MYH15: variants seen among roughly 807,000 people sequenced by gnomAD.
MYH15 encodes myosin heavy chain 15, also known as myosin-15.
In MYH15, 227 loss-of-function variants were observed where a neutral mutation model predicts 240.5. The observed-to-expected ratio is 0.94, with a 90% CI of 0.85 to 1.05. The LOEUF (loss-of-function observed/expected upper bound fraction) is 1.05. Among genes scored for constraint, MYH15 ranks in the 50% least tolerant of loss-of-function variants. MYH15 has a pLI of 0.00. For missense variants in MYH15, 2,217 were observed against 2,247.5 expected, an observed-to-expected ratio of 0.99 and a Z score of 0.27; for synonymous variants, 785 against 796.7, an observed-to-expected ratio of 0.99 and a Z score of 0.25.
chr3:108,427,579 A>G (rs1390327066), intron 27 of MYH15, among the ~76,000 whole-genome samples: 3 of 151,110 alleles, frequency 2.0e-5, no homozygotes, highest in African/African-American at 7.3e-5. Flanking sequence ...ATTTCATTAC[A>G]GCAGCAGGAA....
At chr3:108,530,556 C>A (rs534774319), upstream of MYH15, among the ~76,000 whole-genome samples, 2 of 152,068 alleles carry the variant, frequency 1.3e-5, no homozygotes, top group Admixed American at 6.5e-5. Context: ...CAAGAGTGAA[C>A]CCTAATGTGA....
chr3:108,462,607 C>G (rs1048859838), intron 16 of MYH15, among the ~76,000 whole-genome samples: 1 of 151,914 alleles, frequency 6.6e-6, no homozygotes, highest in Admixed American at 6.6e-5. Context: ...AACTACTAAA[C>G]AAGATTAGTT....
chr3:108,544,295 A>G, the MYH15 span, among the ~76,000 whole-genome samples: 17 of 152,200 alleles, frequency 1.1e-4, no homozygotes, highest in Non-Finnish European at 2.2e-4. Context: ...TGGTAAAATT[A>G]AGGTGATACT....
chr3:108,467,692 G>A (rs1228869446), intron 14 of MYH15, among the ~76,000 whole-genome samples: 1 of 152,162 alleles, frequency 6.6e-6, no homozygotes, highest in Non-Finnish European at 1.5e-5. Flanking sequence ...ATAACTTGGA[G>A]AGTATTTATT....
chr3:108,436,754 G>T (rs1161124572), intron 25 of MYH15, among the ~76,000 whole-genome samples: 1 of 152,100 alleles, frequency 6.6e-6, no homozygotes, highest in Non-Finnish European at 1.5e-5. Context: ...GCCCAGGATG[G>T]TCTCAATCTC....
rs777181444 is a variant in MYH15 at position 108,501,713 on chromosome 3, T to C, written c.338A>G (p.Tyr113Cys). The change falls in exon 3 of 41, where the codon TAT (tyrosine) becomes TGT (cysteine). Residue 113 changes from tyrosine to cysteine, a missense_variant and splice_region_variant. Physicochemically the swap from Tyr to Cys is radical, Grantham distance 194 (BLOSUM62 -2). Coordinates refer to ENST00000693548, the MANE Select transcript of MYH15 (RefSeq NM_014981.3). ...LKRRYGQWMI[Y>C]TYSGLFCVTI... The stretch of plus-strand genomic sequence containing the variant: ...TTAGCAGGAAAGCATATTACACACA[T>C]AGATCATCCACTGGCCATAGCGCCG... The C allele has an allele frequency of 6.2e-7, 1 of 1,613,978 alleles. No individual in the cohort carries two copies. The highest frequency in any genetic ancestry group is 8.5e-7 in the Non-Finnish European group (1 of 1,179,904).
intron 38 of MYH15, among the ~76,000 whole-genome samples, chr3:108,388,672 T>A (rs1451601286): frequency 6.6e-6 from 1 of 152,342 alleles, no homozygotes; most frequent in African/African-American, 2.4e-5. Flanking sequence ...CAGGAAGGCA[T>A]CTTTATGAAA....
chr3:108,424,407 G>C (rs2082710329), intron 27 of MYH15, among the ~76,000 whole-genome samples: 1 of 152,210 alleles, frequency 6.6e-6, no homozygotes, highest in African/African-American at 2.4e-5. Flanking sequence ...CCTATATGGG[G>C]ATATAGCATG....
chr3:108,441,316 G>A, intron 22 of MYH15, 56 bp from the exon 23 acceptor site: 4 of 1,595,018 alleles, frequency 2.5e-6, no homozygotes, highest in Non-Finnish European at 3.4e-6. Flanking sequence ...TATCAGCTAG[G>A]CGAAAATGCT....
chr3:108,459,329 C>T (rs774818708), intron 18 of MYH15, 33 bp downstream of exon 18: 26 of 1,328,374 alleles, frequency 2.0e-5, no homozygotes, highest in Non-Finnish European at 2.4e-5. Context: ...AATCTATTTC[C>T]TAGTGTGAAT....
At chr3:108,529,251 G>A (rs1273131522) in intron 1 of MYH15, 2 of 1,602,676 alleles carry the variant, frequency 1.2e-6, no homozygotes, top group East Asian at 4.5e-5. Flanking sequence ...CATATGTTGG[G>A]AGTCCACTCA....
At chr3:108,536,752 A>G in the MYH15 span, among the ~76,000 whole-genome samples, 12 of 152,290 alleles carry the variant, frequency 7.9e-5, no homozygotes, top group African/African-American at 2.9e-4. Flanking sequence ...GCCTTCCCAT[A>G]CACCTTCAAA....
chr3:108,412,116 C>T (rs2082598760), intron 30 of MYH15, among the ~76,000 whole-genome samples: 1 of 152,170 alleles, frequency 6.6e-6, no homozygotes, highest in Non-Finnish European at 1.5e-5. Context: ...TACTGGACTG[C>T]CTGGGACTGA....
Position 108,437,547 on chromosome 3 carries a change from G to A in MYH15, c.3221+7C>T. The A allele has an allele frequency of 6.2e-7, 1 of 1,610,398 alleles. No individual in the cohort carries two copies. Among genetic ancestry groups the A allele is most frequent in the Non-Finnish European group, 8.5e-7 (1 of 1,178,686 alleles). Reference sequence around the variant, plus strand: ...AGCAATCTCATGTCAACAGAAAGGTGGCTTACTTCCTCAGCTCTTCTGCCA... The same window carrying A: ...AGCAATCTCATGTCAACAGAAAGGTAGCTTACTTCCTCAGCTCTTCTGCCA... On this transcript the variant is annotated splice_region_variant and intron_variant, in intron 25 of 40. Coordinates refer to ENST00000693548, the MANE Select transcript of MYH15 (RefSeq NM_014981.3).
At chr3:108,491,814 C>T (rs1281755952) in intron 9 of MYH15, among the ~76,000 whole-genome samples, 1 of 152,162 alleles carries the variant, frequency 6.6e-6, no homozygotes, top group African/African-American at 2.4e-5. Context: ...TCTCTCTGTT[C>T]CCTGCTCCTG....
intron 1 of MYH15, among the ~76,000 whole-genome samples, chr3:108,509,323 G>A (rs967424436): frequency 6.6e-6 from 1 of 152,148 alleles, no homozygotes; most frequent in Non-Finnish European, 1.5e-5. Flanking sequence ...TATCTCTAAT[G>A]CTTAGGCTCA....
chr3:108,391,076 G>A (rs1225592004), intron 37 of MYH15, among the ~76,000 whole-genome samples: 1 of 152,098 alleles, frequency 6.6e-6, no homozygotes, highest in Non-Finnish European at 1.5e-5. Context: ...ATGGACATGG[G>A]TATTCCATTG....
intron 40 of MYH15, among the ~76,000 whole-genome samples, 197 bp from the exon 41 acceptor site, chr3:108,381,756 C>T (rs2082345000): frequency 6.6e-6 from 1 of 152,192 alleles, no homozygotes; most frequent in African/African-American, 2.4e-5. Flanking sequence ...ACCCCAAGGG[C>T]ATGCTCGGTC....
At chr3:108,549,232 A>T in the MYH15 span, among the ~76,000 whole-genome samples, 4 of 148,032 alleles carry the variant, frequency 2.7e-5, no homozygotes, top group African/African-American at 7.4e-5. Context: ...ATTTGATTAA[A>T]TTTTTTTTTT....
Sources: gnomAD v4.1 joint callset for allele counts (sites outside exome capture counted in the v4.1 genomes callset) on GRCh38, gnomAD v4.1.1 for gene constraint, MANE v1.5 for transcripts, NCBI Gene and HGNC (gene_info 2026-07-23, HGNC 2026-07-21) for gene names.